The following SLC35F4 variants were observed in gnomAD, a reference collection of about 807,000 sequenced individuals.
SLC35F4 encodes chromosome 14 open reading frame 36.
A neutral mutation model predicts 44.2 loss-of-function variants in SLC35F4; 24 were observed. That is an observed-to-expected ratio of 0.54 (90% confidence interval 0.39 to 0.76). SLC35F4 has a LOEUF of 0.76. Among genes scored for constraint, SLC35F4 ranks in the 30% least tolerant of loss-of-function variants. The probability of loss-of-function intolerance (pLI) is 0.00; values close to 1 mark genes in which losing one functional copy is unlikely to be tolerated. For missense variants in SLC35F4, 562 were observed against 586.1 expected (o/e 0.96, Z 0.42); for synonymous variants, 238 against 223.6 (o/e 1.06, Z -0.57).
chr14:57,802,014 C>G (rs2140857304), intron 1 of SLC35F4, among the ~76,000 whole-genome samples: 1 of 152,288 alleles, frequency 6.6e-6, no homozygotes, highest in South Asian at 2.1e-4. Flanking sequence ...CACCCAAAAA[C>G]AACAGAATAT....
In SLC35F4 at chr14:57,910,651, T is replaced by A. The variant is rs895661119; in HGVS notation, n.282+71262A>T. Among the ~76,000 whole-genome samples the A allele has an allele frequency of 5.3e-5, 8 of 152,058 alleles. No homozygotes were observed. In the East Asian group the frequency reaches 1.5e-3, roughly 29 times the overall value. The stretch of plus-strand genomic sequence containing the variant: ...CCCCCATTGAACTATTTGTCTAGTC[T>A]TTTGCCAAATACACACTGTTTTGAT... On this transcript the variant is annotated intron_variant and non_coding_transcript_variant, in intron 1 of 1. Transcript: ENST00000556568.
intron 1 of SLC35F4, among the ~76,000 whole-genome samples, chr14:57,930,774 G>C (rs1482804308): frequency 6.6e-6 from 1 of 152,214 alleles, no homozygotes; most frequent in Non-Finnish European, 1.5e-5. Flanking sequence ...TCAGATTTCA[G>C]AGGCAGGACA....
intron 1 of SLC35F4, among the ~76,000 whole-genome samples, chr14:57,775,783 G>C (rs139829072): frequency 1.2e-4 from 18 of 152,274 alleles, no homozygotes; most frequent in South Asian, 4.2e-4. Flanking sequence ...CTTCAGCAAG[G>C]GTTCTTAACT....
intron 1 of SLC35F4, among the ~76,000 whole-genome samples, chr14:57,709,078 GGT>G (rs2075752105): frequency 6.6e-6 from 1 of 152,178 alleles, no homozygotes; most frequent in Non-Finnish European, 1.5e-5. Flanking sequence ...ACAGGGAGAT[GGT>G]TAGGCCTCCA....
chr14:57,859,317 AT>A (rs1224923780), intron 1 of SLC35F4, among the ~76,000 whole-genome samples: 1 of 152,226 alleles, frequency 6.6e-6, no homozygotes, highest in Non-Finnish European at 1.5e-5. Flanking sequence ...TCAGTACAAA[AT>A]TAAAGCCACT....
Position 57,599,528 on chromosome 14 carries a change from G to A in SLC35F4, c.104-5404C>T, listed in dbSNP as rs779310888. On this transcript the variant is annotated intron_variant, in intron 1 of 7. Coordinates refer to ENST00000556826, the MANE Select transcript of SLC35F4 (RefSeq NM_001306087.2). ...CTCTTACTAACCACAGGCCTGAAGC[G>A]GCGAGGGGACAGAGTGATTAGAAGA... 4.6e-5 allele frequency among the ~76,000 whole-genome samples: 7 copies of A among 152,196 alleles called. No individual in the cohort carries two copies. The South Asian group carries it at 6.2e-4, about 14-fold the overall frequency.
chr14:57,851,143 T>C (rs1439214279), intron 1 of SLC35F4, among the ~76,000 whole-genome samples: 1 of 152,198 alleles, frequency 6.6e-6, no homozygotes, highest in Admixed American at 6.5e-5. Context: ...AAATTTTAGC[T>C]TTTTATTAGT....
chr14:57,800,928 A>G (rs2078177641), intron 1 of SLC35F4, among the ~76,000 whole-genome samples: 1 of 152,232 alleles, frequency 6.6e-6, no homozygotes, highest in African/African-American at 2.4e-5. Context: ...GAATGGAACC[A>G]AGTTAGAAAA....
chr14:57,811,674 A>G (rs1881982878), intron 1 of SLC35F4, among the ~76,000 whole-genome samples: 1 of 152,270 alleles, frequency 6.6e-6, no homozygotes, highest in South Asian at 2.1e-4. Context: ...AACGATGGCT[A>G]GCAGACTTGG....
At chr14:57,755,290 C>A (rs972438471) in intron 1 of SLC35F4, among the ~76,000 whole-genome samples, 2 of 152,150 alleles carry the variant, frequency 1.3e-5, no homozygotes, top group Non-Finnish European at 2.9e-5. Context: ...ATCTAAATGA[C>A]AATGCAGGGT....
At chr14:57,918,069 A>C (rs1248995508) in intron 1 of SLC35F4, among the ~76,000 whole-genome samples, 1 of 152,210 alleles carries the variant, frequency 6.6e-6, no homozygotes. Flanking sequence ...CTGGTATAAT[A>C]GTTTATCCTA....
chr14:57,853,220 T>C (rs534091613), intron 1 of SLC35F4, among the ~76,000 whole-genome samples: 1 of 152,178 alleles, frequency 6.6e-6, no homozygotes, highest in Non-Finnish European at 1.5e-5. Flanking sequence ...CAAGGACTTA[T>C]ACTCTAAATA....
intron 1 of SLC35F4, among the ~76,000 whole-genome samples, chr14:57,932,347 A>G (rs926501973): frequency 6.6e-6 from 1 of 152,238 alleles, no homozygotes; most frequent in Non-Finnish European, 1.5e-5. Flanking sequence ...TCGAATCATA[A>G]TCTATAGATA....
intron 1 of SLC35F4, among the ~76,000 whole-genome samples, chr14:57,943,346 T>C (rs1219936483): frequency 6.6e-6 from 1 of 152,238 alleles, no homozygotes; most frequent in Non-Finnish European, 1.5e-5. Flanking sequence ...TCTTATCCTA[T>C]TTTTATGGTG....
intron 3 of SLC35F4, among the ~76,000 whole-genome samples, chr14:57,581,774 G>A (rs1195356881): frequency 1.3e-5 from 2 of 152,234 alleles, no homozygotes; most frequent in African/African-American, 2.4e-5. Flanking sequence ...TATTGGAAGA[G>A]GGTGGGCAAA....
At chr14:57,938,962 G>A (rs1288371065) in intron 1 of SLC35F4, among the ~76,000 whole-genome samples, 1 of 152,158 alleles carries the variant, frequency 6.6e-6, no homozygotes, top group Admixed American at 6.5e-5. Context: ...AATGTTTAAC[G>A]TAAATTATGT....
At chr14:57,698,868 CACG>C (rs2075456303) in intron 1 of SLC35F4, among the ~76,000 whole-genome samples, 1 of 152,084 alleles carries the variant, frequency 6.6e-6, no homozygotes, top group Non-Finnish European at 1.5e-5. Flanking sequence ...TCAGGAGATC[CACG>C]CACCTCGGCC....
In SLC35F4 at chr14:57,644,316, A is replaced by G. The variant is rs373132589; in HGVS notation, c.104-50192T>C. ...CTTTTTAATGATTGCCATTCTAACTAGTGTGAGATGGTATCTCACTGTGGT... is the reference window on the plus strand; with the variant it reads ...CTTTTTAATGATTGCCATTCTAACTGGTGTGAGATGGTATCTCACTGTGGT... On this transcript the variant is annotated intron_variant, in intron 1 of 7. Transcript: ENST00000556826. 1.2e-4 allele frequency among the ~76,000 whole-genome samples: 18 copies of G among 152,158 alleles called. No individual in the cohort carries two copies. In the South Asian group the frequency reaches 1.2e-3, roughly 11 times the overall value.
chr14:57,846,337 A>G (rs141271304), intron 1 of SLC35F4, among the ~76,000 whole-genome samples: 181 of 152,262 alleles, frequency 1.2e-3, no homozygotes, highest in African/African-American at 4.2e-3. Context: ...GATTCCTTCC[A>G]CAAGGATAAA....
Sources: allele counts gnomAD v4.1 joint callset (sites outside exome capture counted in the v4.1 genomes callset), GRCh38; gene constraint gnomAD v4.1.1; transcripts MANE v1.5; gene names NCBI Gene and HGNC (gene_info 2026-07-23, HGNC 2026-07-21).